The following CABCOCO1 variants were observed in gnomAD, a reference collection of about 807,000 sequenced individuals.
The protein encoded by CABCOCO1 is ciliary-associated calcium-binding coiled-coil protein 1.
A neutral mutation model predicts 35.7 loss-of-function variants in CABCOCO1; 28 were observed. That is an observed-to-expected ratio of 0.78 (90% confidence interval 0.58 to 1.07). CABCOCO1 has a LOEUF of 1.07. CABCOCO1 is among the 50% of genes least tolerant of loss of function. The probability of loss-of-function intolerance (pLI) is 0.00; values close to 1 mark genes in which losing one functional copy is unlikely to be tolerated. For synonymous variants in CABCOCO1, 95 were observed against 100.1 expected (o/e 0.95, Z 0.30); for missense variants, 326 against 309.2 (o/e 1.05, Z -0.41).
intron 5 of CABCOCO1, among the ~76,000 whole-genome samples, chr10:61,692,485 A>G (rs1037823159): frequency 1.3e-5 from 2 of 152,160 alleles, no homozygotes; most frequent in African/African-American, 4.8e-5. Context: ...TAGAAGTACC[A>G]GGGACAGGAG....
intron 5 of CABCOCO1, among the ~76,000 whole-genome samples, chr10:61,738,081 C>T (rs1322109227): frequency 6.6e-6 from 1 of 151,478 alleles, no homozygotes; most frequent in African/African-American, 2.4e-5. Flanking sequence ...AAGACACCTC[C>T]CCCACCACTA....
At position 61,662,996 on chromosome 10, in the gene CABCOCO1, G is replaced by GGGGGCGACCCCGGCA; in HGVS notation, c.27_28insGCGACCCCGGCAGGG (p.Gly9_Pro10insAlaThrProAlaGly). On this transcript the variant is annotated inframe_insertion, in exon 1 of 8. Coordinates refer to ENST00000648843, the MANE Select transcript of CABCOCO1 (RefSeq NM_001366906.2). ...CGATGTCGCAGGGGACGACTCCCTG[G>GGGGGCGACCCCGGCA]GGGCCGACCCCGGCGGGAACCACGC... 1 of 321,888 alleles carries GGGGGCGACCCCGGCA rather than the reference G, an allele frequency of 3.1e-6. No homozygotes were observed. The highest frequency in any genetic ancestry group is 6.6e-6 in the Non-Finnish European group (1 of 150,720). 19.9% of individuals were successfully genotyped at this position (321,888 alleles called of 1,614,324 possible). A position where few individuals can be genotyped will look rare whatever the true frequency, so the allele number is the denominator to read the frequency against.
At chr10:61,724,799 AG>A (rs1841103907) in intron 5 of CABCOCO1, among the ~76,000 whole-genome samples, 1 of 152,198 alleles carries the variant, frequency 6.6e-6, no homozygotes, top group African/African-American at 2.4e-5. Flanking sequence ...TACATCAATA[AG>A]AGAAAGGAAA....
chr10:61,763,689 T>C (rs745669604), intron 7 of CABCOCO1, among the ~76,000 whole-genome samples: 3 of 151,870 alleles, frequency 2.0e-5, no homozygotes, highest in Non-Finnish European at 2.9e-5. Context: ...GGACCCTAGA[T>C]GTTTTTAGGT....
intron 7 of CABCOCO1, among the ~76,000 whole-genome samples, chr10:61,762,578 T>C (rs528718669): frequency 6.6e-6 from 1 of 152,242 alleles, no homozygotes; most frequent in African/African-American, 2.4e-5. Context: ...TGTGGATTTA[T>C]ACAATGGCTC....
chr10:61,692,278 C>T (rs1421764540), intron 5 of CABCOCO1, among the ~76,000 whole-genome samples: 3 of 152,098 alleles, frequency 2.0e-5, no homozygotes, highest in Admixed American at 2.0e-4. Context: ...GTTCGTTGGC[C>T]ACATAAATGT....
At chr10:61,678,455 G>A (rs1839592018) in intron 2 of CABCOCO1, among the ~76,000 whole-genome samples, 1 of 151,962 alleles carries the variant, frequency 6.6e-6, no homozygotes, top group Non-Finnish European at 1.5e-5. Flanking sequence ...TGAGGTGAAT[G>A]CCTGAAAAAA....
intron 1 of CABCOCO1, 56 bp from the exon 2 acceptor site, chr10:61,672,576 G>A: frequency 2.6e-6 from 1 of 387,390 alleles, no homozygotes; most frequent in Non-Finnish European, 3.5e-6. Context: ...TTACTATTGG[G>A]TTTAATATAT....
chr10:61,708,944 A>G (rs568905102), intron 5 of CABCOCO1, among the ~76,000 whole-genome samples: 7 of 152,276 alleles, frequency 4.6e-5, no homozygotes, highest in African/African-American at 1.7e-4. Context: ...CTACGCATAA[A>G]CTTCTAATCT....
chr10:61,677,375 T>G (rs914879392), intron 2 of CABCOCO1, among the ~76,000 whole-genome samples: 1 of 152,172 alleles, frequency 6.6e-6, no homozygotes, highest in Admixed American at 6.5e-5. Flanking sequence ...AAAGCCCATG[T>G]GGGAATACAT....
At chr10:61,747,914 C>T (rs1048327848) in intron 5 of CABCOCO1, among the ~76,000 whole-genome samples, 16 of 152,106 alleles carry the variant, frequency 1.1e-4, no homozygotes, top group Non-Finnish European at 2.1e-4. Context: ...ACCAGAACGA[C>T]CCTTCAAAAG....
intron 5 of CABCOCO1, among the ~76,000 whole-genome samples, chr10:61,723,516 A>G (rs7080664): frequency 0.65 from 98,870 of 152,002 alleles, 33,760 homozygotes; most frequent in Middle Eastern, 0.83. Flanking sequence ...TCAGATTGCC[A>G]TAGCCAAGCA....
At chr10:61,680,478 A>ATATATAACATATTATATGTTATATTATGT (rs1589116060) in intron 2 of CABCOCO1, among the ~76,000 whole-genome samples, 39 of 25,488 alleles carry the variant, frequency 1.5e-3, no homozygotes, top group Non-Finnish European at 2.3e-3. Flanking sequence ...ATATATATTT[A>ATATATAACATATTATATGTTATATTATGT]TATATATAAC....
intron 5 of CABCOCO1, among the ~76,000 whole-genome samples, chr10:61,714,057 A>G (rs1269884919): frequency 3.9e-5 from 6 of 151,952 alleles, no homozygotes; most frequent in Admixed American, 3.9e-4. Flanking sequence ...CTCTTTTTCT[A>G]TTGATTGGAA....
chr10:61,742,198 C>T (rs968148881), intron 5 of CABCOCO1, among the ~76,000 whole-genome samples: 4 of 151,998 alleles, frequency 2.6e-5, no homozygotes, highest in African/African-American at 4.8e-5. Context: ...CTGCAAGACT[C>T]GGGGGGAGAC....
chr10:61,728,343 C>T (rs1344420600), intron 5 of CABCOCO1, among the ~76,000 whole-genome samples: 1 of 152,110 alleles, frequency 6.6e-6, no homozygotes, highest in Non-Finnish European at 1.5e-5. Context: ...AAATACCTTT[C>T]CTGAAGTATG....
At chr10:61,664,690 G>A (rs1035699401) in intron 1 of CABCOCO1, among the ~76,000 whole-genome samples, 3 of 152,156 alleles carry the variant, frequency 2.0e-5, no homozygotes, top group Non-Finnish European at 2.9e-5. Context: ...ACGCTAATTC[G>A]CTGCTTGGTG....
chr10:61,763,409 TTAAAA>T (rs1589160358), intron 7 of CABCOCO1, among the ~76,000 whole-genome samples: 4 of 152,204 alleles, frequency 2.6e-5, no homozygotes, highest in Middle Eastern at 6.8e-3. Context: ...GAGATGTTAA[TTAAAA>T]TTATACTGAA....
At chr10:61,734,110 G>T (rs913657866) in intron 5 of CABCOCO1, among the ~76,000 whole-genome samples, 1 of 151,602 alleles carries the variant, frequency 6.6e-6, no homozygotes, top group Non-Finnish European at 1.5e-5. Flanking sequence ...TACTTATTAC[G>T]TATTTATTTC....
Sources: allele counts gnomAD v4.1 joint callset (sites outside exome capture counted in the v4.1 genomes callset), GRCh38; gene constraint gnomAD v4.1.1; transcripts MANE v1.5; gene names NCBI Gene and HGNC (gene_info 2026-07-23, HGNC 2026-07-21).